Variants in CCBE1 observed in about 807,000 individuals in gnomAD.
CCBE1 encodes collagen and calcium-binding EGF domain-containing protein 1.
In CCBE1, 37 loss-of-function variants were observed where a neutral mutation model predicts 50.0. The ratio of observed to expected loss-of-function variants is 0.74; its 90% CI spans 0.57 to 0.97. CCBE1 has a LOEUF of 0.97. Ranked by LOEUF, CCBE1 falls within the 50% of genes least tolerant of loss-of-function variation. The probability of loss-of-function intolerance (pLI) is 0.00; values close to 1 mark genes in which losing one functional copy is unlikely to be tolerated. For missense variants in CCBE1, 538 were observed against 523.8 expected, an observed-to-expected ratio of 1.03 and a Z score of -0.26; for synonymous variants, 234 against 203.7, an observed-to-expected ratio of 1.15 and a Z score of -1.27.
chr18:59,544,359 A>T (rs557074206), intron 2 of CCBE1, among the ~76,000 whole-genome samples: 9 of 152,236 alleles, frequency 5.9e-5, no homozygotes, highest in Non-Finnish European at 8.8e-5. Flanking sequence ...CTTTTTATTA[A>T]GAAATTTTAA....
In CCBE1 at chr18:59,579,957, C is replaced by T. The variant is rs117004274; in HGVS notation, c.213-99719G>A. Among the ~76,000 whole-genome samples, 297 of 152,256 alleles carry T rather than the reference C, an allele frequency of 2.0e-3. 4 individuals are homozygous for T. The East Asian group carries it at 0.03, about 16-fold the overall frequency. ...GAAGAACAGCATTAAGAATAAATCA[C>T]CCTGAAGCTCCTCTCTTTTCCATAA... On this transcript the variant is annotated intron_variant, in intron 2 of 10. Coordinates refer to ENST00000439986, the MANE Select transcript of CCBE1 (RefSeq NM_133459.4).
intron 7 of CCBE1, among the ~76,000 whole-genome samples, chr18:59,443,106 G>A (rs1910512018): frequency 6.6e-6 from 1 of 152,176 alleles, no homozygotes; most frequent in Non-Finnish European, 1.5e-5. Context: ...GTTTGCATGT[G>A]TGCCAGAATA....
chr18:59,660,888 T>C (rs1444649160), intron 2 of CCBE1, among the ~76,000 whole-genome samples: 1 of 152,212 alleles, frequency 6.6e-6, no homozygotes, highest in African/African-American at 2.4e-5. Flanking sequence ...CCTTTTTTTG[T>C]CCAGACATAC....
chr18:59,696,819 C>G, intron 1 of CCBE1, 110 bp from the exon 2 acceptor site: 1 of 1,222,476 alleles, frequency 8.2e-7, no homozygotes, highest in South Asian at 1.2e-5. Context: ...CCCGTCCCGG[C>G]GCTCTGGGCA....
chr18:59,619,362 CAG>C (rs1039217962), intron 2 of CCBE1, among the ~76,000 whole-genome samples: 1 of 152,130 alleles, frequency 6.6e-6, no homozygotes, highest in Non-Finnish European at 1.5e-5. Context: ...GGCTGGAGCA[CAG>C]TGACTGTTCA....
intron 2 of CCBE1, among the ~76,000 whole-genome samples, chr18:59,687,551 G>T (rs1213107404): frequency 6.6e-6 from 1 of 152,048 alleles, no homozygotes; most frequent in Non-Finnish European, 1.5e-5. Context: ...ATTTCTTTTA[G>T]ACTGTTCTCT....
At chr18:59,611,996 T>C (rs1344536656) in intron 2 of CCBE1, among the ~76,000 whole-genome samples, 1 of 152,214 alleles carries the variant, frequency 6.6e-6, no homozygotes, top group East Asian at 1.9e-4. Flanking sequence ...GCTGCTGGGC[T>C]TGGCATGACT....
intron 2 of CCBE1, among the ~76,000 whole-genome samples, chr18:59,551,173 G>C (rs1281675521): frequency 6.6e-6 from 1 of 152,128 alleles, no homozygotes; most frequent in Non-Finnish European, 1.5e-5. Context: ...GGCATAGCCT[G>C]CTATACATGT....
At chr18:59,632,572 C>G (rs575502255) in intron 2 of CCBE1, among the ~76,000 whole-genome samples, 8 of 151,030 alleles carry the variant, frequency 5.3e-5, no homozygotes, top group Non-Finnish European at 1.0e-4. Flanking sequence ...CTGTGCCCAG[C>G]CTTTAAATTT....
chr18:59,570,523 C>G (rs954682714), intron 2 of CCBE1, among the ~76,000 whole-genome samples: 23 of 152,216 alleles, frequency 1.5e-4, no homozygotes, highest in African/African-American at 5.6e-4. Context: ...TGCATACATT[C>G]TCTTGGATTT....
At chr18:59,639,687 A>T (rs958317599) in intron 2 of CCBE1, among the ~76,000 whole-genome samples, 3 of 152,226 alleles carry the variant, frequency 2.0e-5, no homozygotes, top group African/African-American at 7.2e-5. Flanking sequence ...AAATATTAAG[A>T]GAGGTAGTCA....
intron 2 of CCBE1, among the ~76,000 whole-genome samples, chr18:59,676,063 A>T (rs1248243556): frequency 6.6e-6 from 1 of 152,228 alleles, no homozygotes; most frequent in Non-Finnish European, 1.5e-5. Context: ...GATAGCCCAG[A>T]TGTCATCTTA....
At chr18:59,471,643 CCTT>C (rs1358656125) in intron 3 of CCBE1, among the ~76,000 whole-genome samples, 6 of 152,308 alleles carry the variant, frequency 3.9e-5, no homozygotes, top group Non-Finnish European at 5.9e-5. Flanking sequence ...CAAACACCCA[CCTT>C]CTTCTTCCAT....
At chr18:59,660,927 G>A (rs1179262241) in intron 2 of CCBE1, among the ~76,000 whole-genome samples, 1 of 151,928 alleles carries the variant, frequency 6.6e-6, no homozygotes, top group Non-Finnish European at 1.5e-5. Flanking sequence ...GGGACAAAGG[G>A]AAAATGTATA....
intron 10 of CCBE1, 59 bp downstream of exon 10, chr18:59,438,052 T>A: frequency 6.3e-7 from 1 of 1,581,826 alleles, no homozygotes. Context: ...TATAGGCTCA[T>A]CAGAGCTGCA....
chr18:59,572,655 T>C (rs1337985343), intron 2 of CCBE1, among the ~76,000 whole-genome samples: 1 of 152,206 alleles, frequency 6.6e-6, no homozygotes, highest in African/African-American at 2.4e-5. Flanking sequence ...TTATTCCCTT[T>C]CAAAGTTTAG....
chr18:59,522,169 T>G (rs1914629981), intron 2 of CCBE1, among the ~76,000 whole-genome samples: 1 of 151,938 alleles, frequency 6.6e-6, no homozygotes, highest in Non-Finnish European at 1.5e-5. Context: ...ATTTCTATGC[T>G]AATACATACA....
At chr18:59,693,001 C>CAAAA (rs1568276558) in intron 2 of CCBE1, among the ~76,000 whole-genome samples, 3 of 145,344 alleles carry the variant, frequency 2.1e-5, no homozygotes, top group African/African-American at 7.9e-5. Context: ...CACACACACA[C>CAAAA]ACAAACAAAA....
chr18:59,478,924 A>G (rs558061985), intron 3 of CCBE1, among the ~76,000 whole-genome samples: 3 of 152,340 alleles, frequency 2.0e-5, no homozygotes, highest in South Asian at 4.1e-4. Flanking sequence ...CACATCAACC[A>G]TCACACGTGG....
Sources: allele counts gnomAD v4.1 joint callset (sites outside exome capture counted in the v4.1 genomes callset), GRCh38; gene constraint gnomAD v4.1.1; transcripts MANE v1.5; gene names NCBI Gene and HGNC (gene_info 2026-07-23, HGNC 2026-07-21).